The following MFSD1 variants were observed in gnomAD, a reference collection of about 807,000 sequenced individuals.
The protein encoded by MFSD1 is major facilitator superfamily domain containing 1.
In MFSD1, 59 loss-of-function variants were observed where a neutral mutation model predicts 67.1. That is an observed-to-expected ratio of 0.88 (90% confidence interval 0.71 to 1.09). The LOEUF is 1.09. Ranked by LOEUF, MFSD1 falls within the 50% of genes least tolerant of loss-of-function variation. MFSD1 has a pLI of 0.00. For missense variants in MFSD1, 552 were observed against 566.1 expected (o/e 0.97, Z 0.25); for synonymous variants, 213 against 200.3 (o/e 1.06, Z -0.54).
intron 13 of MFSD1, among the ~76,000 whole-genome samples, chr3:158,825,594 A>G (rs1730924144): frequency 6.6e-6 from 1 of 152,208 alleles, no homozygotes; most frequent in Admixed American, 6.5e-5. Flanking sequence ...AATTTGTAAA[A>G]TGGACATGGC....
At position 158,820,251 on chromosome 3, in the gene MFSD1, C is replaced by T. The variant is rs751824888; in HGVS notation, c.788C>T (p.Ser263Phe). ...AAATTAACTGATGTAAAGGACTTCT[C>T]CTTACCCCTGTGGCTTATATTTATC... Reference protein sequence around the residue: ...VIKLTDVKDFSLPLWLIFIIC... With the variant: ...VIKLTDVKDFFLPLWLIFIIC... The change falls in exon 9 of 16, where the codon TCC becomes TTC. Residue 263 changes from serine (S) to phenylalanine (F), a missense_variant. Ser to Phe is a radical substitution (Grantham distance 155, BLOSUM62 -2). Transcript: ENST00000415822. 1.2e-6 allele frequency: 2 copies of T among 1,610,990 alleles called. No individual in the cohort carries two copies. Among genetic ancestry groups the T allele is most frequent in the Non-Finnish European group, 8.5e-7 (1 of 1,177,586 alleles).
chr3:158,826,114 G>T, intron 14 of MFSD1, 52 bp downstream of exon 14: 1 of 1,490,380 alleles, frequency 6.7e-7, no homozygotes, highest in Non-Finnish European at 9.4e-7. Flanking sequence ...ATCATCTTGT[G>T]GGGTCTCTGG....
chr3:158,818,350 G>A (rs1730486722), intron 7 of MFSD1, among the ~76,000 whole-genome samples: 1 of 151,788 alleles, frequency 6.6e-6, no homozygotes, highest in Non-Finnish European at 1.5e-5. Context: ...TCACTTTTTT[G>A]TAGTGACAAC....
intron 3 of MFSD1, among the ~76,000 whole-genome samples, chr3:158,806,169 T>C (rs936720644): frequency 6.6e-6 from 1 of 152,218 alleles, no homozygotes; most frequent in Non-Finnish European, 1.5e-5. Context: ...AAAGAAACTT[T>C]AAGAGTTTAC....
chr3:158,804,204 T>G, intron 1 of MFSD1, 115 bp from the exon 2 acceptor site: 3 of 638,650 alleles, frequency 4.7e-6, no homozygotes, highest in Non-Finnish European at 7.9e-6. Flanking sequence ...CAGAAATATT[T>G]CTGTAGTGTC....
intron 7 of MFSD1, among the ~76,000 whole-genome samples, chr3:158,819,293 C>A (rs1035153444): frequency 2.6e-5 from 4 of 152,168 alleles, no homozygotes; most frequent in African/African-American, 9.7e-5. Flanking sequence ...TGTCCATTGA[C>A]AATTGGTGCT....
intron 13 of MFSD1, 140 bp from the exon 14 acceptor site, chr3:158,825,875 T>G: frequency 1.5e-6 from 1 of 680,232 alleles, no homozygotes; most frequent in Non-Finnish European, 2.5e-6. Flanking sequence ...GAAAATAAAA[T>G]AATGGGAATA....
intron 6 of MFSD1, among the ~76,000 whole-genome samples, chr3:158,811,237 A>G (rs770877345): frequency 3.9e-5 from 6 of 152,202 alleles, no homozygotes; most frequent in Non-Finnish European, 8.8e-5. Context: ...TGAGCGCTGT[A>G]ACCTAGCTCT....
chr3:158,813,926 A>G, intron 6 of MFSD1, 39 bp from the exon 7 acceptor site: 3 of 1,440,712 alleles, frequency 2.1e-6, no homozygotes, highest in Non-Finnish European at 2.9e-6. Flanking sequence ...GATATATATG[A>G]TTTAAAATGC....
At chr3:158,809,897 T>C (rs1307217399) in intron 6 of MFSD1, among the ~76,000 whole-genome samples, 1 of 152,216 alleles carries the variant, frequency 6.6e-6, no homozygotes, top group Non-Finnish European at 1.5e-5. Context: ...TCCCTTACCA[T>C]GGTGCTTATG....
At chr3:158,804,103 A>G in intron 1 of MFSD1, 1 of 415,574 alleles carries the variant, frequency 2.4e-6, no homozygotes, top group Non-Finnish European at 4.3e-6. Context: ...TTTTTAATTC[A>G]GGTTCCCAGT....
Position 158,827,321 on chromosome 3 carries a change from A to AAAT in MFSD1, c.1379_1381dup (p.Lys460_Phe461insTer), listed in dbSNP as rs776612289. ...TTCTGCAAGACAAAGGGAAGAAATA[A>AAAT]AATTTTCCCATACTGAGTAAGTATT... On this transcript the variant is annotated stop_gained and inframe_insertion, in exon 15 of 16. Transcript: ENST00000415822. LOFTEE classifies it high-confidence loss of function. The AAAT allele has an allele frequency of 1.3e-6, 2 of 1,549,858 alleles. No homozygotes were observed. The highest frequency in any genetic ancestry group is 4.7e-5 in the East Asian group (2 of 42,838).
At chr3:158,828,847 G>A (rs1463953065) in intron 15 of MFSD1, 132 bp from the exon 16 acceptor site, 16 of 708,082 alleles carry the variant, frequency 2.3e-5, no homozygotes, top group Non-Finnish European at 3.4e-5. Context: ...TTAAAAAATT[G>A]CTCAGAAAAA....
At position 158,821,996 on chromosome 3, in the gene MFSD1, C is replaced by T. The variant is rs1217991808; in HGVS notation, c.933C>T (p.Val311=). 6.2e-6 allele frequency: 10 copies of T among 1,613,528 alleles called. No individual in the cohort carries two copies. The African/African-American group carries it at 1.1e-4, about 17-fold the overall frequency. The part of the protein sequence containing the change: ...AASAINSVVY[V]ISAPMSPVFG... ...GTTCTCTGGGCAGTGTTGTATATGT[C>T]ATATCAGCTCCCATGTCCCCGGTGT... Residue 311 remains valine, a synonymous_variant, in exon 11 of 16, where the codon GTC becomes GTT. Coordinates refer to ENST00000415822, the MANE Select transcript of MFSD1 (RefSeq NM_022736.4).
chr3:158,824,323 C>A, intron 13 of MFSD1, 87 bp downstream of exon 13: 1 of 929,060 alleles, frequency 1.1e-6, no homozygotes, highest in Non-Finnish European at 1.7e-6. Flanking sequence ...CCCAGATTTG[C>A]CTAATTCTCA....
rs56070013 is a variant in MFSD1, at chr3:158,817,956, G to A, written c.653-1693G>A. Among the ~76,000 whole-genome samples the A allele has an allele frequency of 6.0e-3, 916 of 152,130 alleles. 10 individuals carry two copies. The highest frequency in any genetic ancestry group is 0.021 in the African/African-American group (865 of 41,484). On this transcript the variant is annotated intron_variant, in intron 7 of 15. Transcript: ENST00000415822. ...ATCCTATTATAATATAATTACAGTT[G>A]TTTCAACAAGACTATATAGGTCACT...
intron 13 of MFSD1, 83 bp from the exon 14 acceptor site, chr3:158,825,932 A>G (rs1280027914): frequency 9.4e-7 from 1 of 1,066,158 alleles, no homozygotes; most frequent in Non-Finnish European, 1.5e-6. Context: ...ATTGTGTCTA[A>G]GCTTTGCTTT....
rs554006015 is a variant in MFSD1 at position 158,819,515 on chromosome 3, T to C, written c.653-134T>C. The C allele has an allele frequency of 2.3e-4, 111 of 483,514 alleles. 2 individuals are homozygous for C. In the Admixed American group the frequency reaches 4.3e-3, roughly 19 times the overall value. 30.0% of individuals were successfully genotyped at this position (483,514 alleles called of 1,614,324 possible). On this transcript the variant is annotated intron_variant, in intron 7 of 15. Transcript: ENST00000415822. ...TTTGTCCCGATTTAGTAATTGCAGA[T>C]TTTTCTCGTGTCTTTATGTGACATC...
Position 158,822,051 on chromosome 3 carries a change from A to G in MFSD1, c.988A>G (p.Asn330Asp). Residue 330 changes from asparagine to aspartate, a missense_variant, in exon 11 of 16, where the codon AAC (asparagine) becomes GAC (aspartate). Asn to Asp is a conservative substitution (Grantham distance 23). Transcript: ENST00000415822. The part of the protein sequence containing the change: ...FGLLVDKTGK[N>D]IIWVLCAVAA... ...GCTCCTGGTGGATAAAACAGGGAAG[A>G]ACATCATCTGGGTTCTTTGCGCAGT... The G allele has an allele frequency of 1.9e-6, 3 of 1,613,952 alleles. No individual in the cohort carries two copies. Among genetic ancestry groups the G allele is most frequent in the Non-Finnish European group, 2.5e-6 (3 of 1,179,890 alleles).
Sources: gnomAD v4.1 joint callset for allele counts (sites outside exome capture counted in the v4.1 genomes callset) on GRCh38, gnomAD v4.1.1 for gene constraint, MANE v1.5 for transcripts, NCBI Gene and HGNC (gene_info 2026-07-23, HGNC 2026-07-21) for gene names.